The following MAGI2 variants were observed in gnomAD, a reference collection of about 807,000 sequenced individuals.
The protein encoded by MAGI2 is membrane-associated guanylate kinase, WW and PDZ domain-containing protein 2.
MAGI2 carries 35 observed loss-of-function variants against 133.3 expected under a neutral mutation model. That is an observed-to-expected ratio of 0.26 (90% CI 0.20 to 0.35). The LOEUF is 0.35. Among genes scored for constraint, MAGI2 ranks in the 10% least tolerant of loss-of-function variants. The probability of loss-of-function intolerance (pLI) is 1.00; values close to 1 mark genes in which losing one functional copy is unlikely to be tolerated. For missense variants in MAGI2, 1,636 were observed against 1,863.4 expected (o/e 0.88, Z 2.25); for synonymous variants, 729 against 710.6 (o/e 1.03, Z -0.41).
intron 3 of MAGI2, chr7:78,616,762 C>G (rs973306424): frequency 6.6e-6 from 1 of 152,122 alleles, no homozygotes; most frequent in Admixed American, 6.5e-5. Flanking sequence ...TGGATATGCC[C>G]CAGAGTCTTG....
At chr7:78,286,075 CTT>C (rs1562754756) in intron 9 of MAGI2, among the ~76,000 whole-genome samples, 1 of 152,126 alleles carries the variant, frequency 6.6e-6, no homozygotes, top group African/African-American at 2.4e-5. Flanking sequence ...CAATATTACT[CTT>C]TGAAATGTTT....
chr7:79,277,093 T>A (rs1433309395), intron 1 of MAGI2, among the ~76,000 whole-genome samples: 1 of 152,178 alleles, frequency 6.6e-6, no homozygotes, highest in African/African-American at 2.4e-5. Flanking sequence ...ACAGCATGAC[T>A]TGCTACAGAG....
At chr7:79,226,476 T>C (rs1476125497) in intron 1 of MAGI2, among the ~76,000 whole-genome samples, 2 of 152,156 alleles carry the variant, frequency 1.3e-5, no homozygotes, top group African/African-American at 4.8e-5. Context: ...CCATAACAAA[T>C]AGCATAAAAA....
chr7:79,090,113 C>G (rs1300671960), intron 1 of MAGI2, among the ~76,000 whole-genome samples: 1 of 151,904 alleles, frequency 6.6e-6, no homozygotes, highest in Non-Finnish European at 1.5e-5. Context: ...TTTAATATTA[C>G]TTAAAACAAC....
intron 3 of MAGI2, chr7:78,615,740 G>A (rs925225865): frequency 7.2e-5 from 11 of 152,254 alleles, no homozygotes; most frequent in Admixed American, 2.0e-4. Context: ...TCAGGATTAC[G>A]TCATTTTGGG....
At chr7:79,237,271 G>C (rs973805418) in intron 1 of MAGI2, among the ~76,000 whole-genome samples, 11 of 152,268 alleles carry the variant, frequency 7.2e-5, no homozygotes, top group African/African-American at 2.6e-4. Flanking sequence ...CGAGGCGGTG[G>C]ATCACGAGGT....
At chr7:78,452,244 G>T (rs1041794833) in intron 6 of MAGI2, among the ~76,000 whole-genome samples, 1 of 151,942 alleles carries the variant, frequency 6.6e-6, no homozygotes, top group Admixed American at 6.6e-5. Flanking sequence ...TTAAGTAGCA[G>T]AATCAGTACA....
intron 2 of MAGI2, among the ~76,000 whole-genome samples, chr7:78,874,115 C>A (rs2151528315): frequency 6.6e-6 from 1 of 152,130 alleles, no homozygotes; most frequent in African/African-American, 2.4e-5. Flanking sequence ...GCAGCAATAA[C>A]CATTATCAAA....
chr7:78,568,224 C>A (rs1801147168), intron 3 of MAGI2: 1 of 152,274 alleles, frequency 6.6e-6, no homozygotes, highest in Middle Eastern at 3.4e-3. Context: ...TATCTATACT[C>A]ATTTCCTATA....
chr7:78,751,797 C>T (rs1489845845), intron 2 of MAGI2, among the ~76,000 whole-genome samples: 1 of 152,218 alleles, frequency 6.6e-6, no homozygotes, highest in Non-Finnish European at 1.5e-5. Context: ...AAGGTAATGG[C>T]ACCAGGTAAG....
chr7:79,444,416 A>G (rs1245114557), intron 1 of MAGI2, among the ~76,000 whole-genome samples: 2 of 152,206 alleles, frequency 1.3e-5, no homozygotes, highest in Non-Finnish European at 2.9e-5. Flanking sequence ...AGAAAACCCC[A>G]TCATCTCAGC....
chr7:78,651,413 C>CTA (rs1811555583), intron 2 of MAGI2, among the ~76,000 whole-genome samples: 1 of 151,896 alleles, frequency 6.6e-6, no homozygotes, highest in Non-Finnish European at 1.5e-5. Context: ...GATATTCACT[C>CTA]TATTCTTTCA....
chr7:79,026,346 C>A (rs572935970), intron 1 of MAGI2, among the ~76,000 whole-genome samples: 1 of 152,192 alleles, frequency 6.6e-6, no homozygotes, highest in African/African-American at 2.4e-5. Context: ...GCAAGGAAAG[C>A]CTATTGAAAA....
intron 1 of MAGI2, among the ~76,000 whole-genome samples, chr7:79,143,688 C>A (rs560916355): frequency 6.1e-4 from 93 of 152,182 alleles, no homozygotes; most frequent in Non-Finnish European, 1.1e-3. Context: ...AGATATAGAA[C>A]AAATGTGAGC....
At chr7:79,009,323 CT>C (rs1437888980) in intron 1 of MAGI2, among the ~76,000 whole-genome samples, 12 of 151,814 alleles carry the variant, frequency 7.9e-5, no homozygotes, top group South Asian at 2.1e-4. Context: ...ATGACTGTAT[CT>C]TTTTTTTCAT....
intron 7 of MAGI2, among the ~76,000 whole-genome samples, chr7:78,364,656 C>T (rs1793191240): frequency 6.6e-6 from 1 of 152,172 alleles, no homozygotes; most frequent in African/African-American, 2.4e-5. Flanking sequence ...TGCATGAAAG[C>T]TGTCCCAGCA....
At chr7:78,376,016 G>C (rs1794417255) in intron 6 of MAGI2, among the ~76,000 whole-genome samples, 1 of 149,890 alleles carries the variant, frequency 6.7e-6, no homozygotes, top group Non-Finnish European at 1.5e-5. Context: ...AAATGCATTT[G>C]ATACTATAAA....
chr7:79,240,340 G>A (rs1489208403), intron 1 of MAGI2, among the ~76,000 whole-genome samples: 2 of 149,004 alleles, frequency 1.3e-5, no homozygotes, highest in African/African-American at 2.5e-5. Flanking sequence ...ATAGGAGAAA[G>A]TGGTGGTTTA....
chr7:79,445,596 C>T (rs539377521), intron 1 of MAGI2, among the ~76,000 whole-genome samples: 1 of 152,262 alleles, frequency 6.6e-6, no homozygotes, highest in Admixed American at 6.5e-5. Context: ...CAGAGAAGTG[C>T]AAATCAAAAC....
Sources: gnomAD v4.1 joint callset for allele counts (sites outside exome capture counted in the v4.1 genomes callset) on GRCh38, gnomAD v4.1.1 for gene constraint, MANE v1.5 for transcripts, NCBI Gene and HGNC (gene_info 2026-07-23, HGNC 2026-07-21) for gene names.